IL1RAPL1: variants seen among roughly 807,000 people sequenced by gnomAD.
IL1RAPL1 encodes interleukin 1 receptor accessory protein like 1.
IL1RAPL1 carries 3 observed loss-of-function variants against 48.4 expected under a neutral mutation model. The ratio of observed to expected loss-of-function variants is 0.06; its 90% CI spans 0.03 to 0.16. IL1RAPL1 has a LOEUF of 0.16. Ranked by LOEUF, IL1RAPL1 falls within the 10% of genes least tolerant of loss-of-function variation. The probability of loss-of-function intolerance (pLI) is 1.00; values close to 1 mark genes in which losing one functional copy is unlikely to be tolerated. For synonymous variants in IL1RAPL1, 185 were observed against 187.7 expected (o/e 0.99, Z 0.12); for missense variants, 349 against 530.6 (o/e 0.66, Z 3.36).
intron 5 of IL1RAPL1, among the ~76,000 whole-genome samples, chrX:29,662,712 G>T (rs1368898876): frequency 8.9e-6 from 1 of 111,873 alleles, no homozygotes; most frequent in Non-Finnish European, 1.9e-5. Context: ...TCTTTTGATG[G>T]ATATATTATG....
chrX:29,489,806 A>G (rs1020673619), intron 5 of IL1RAPL1, among the ~76,000 whole-genome samples: 5 of 112,011 alleles, frequency 4.5e-5, no homozygotes, highest in East Asian at 2.8e-4. Context: ...GCTTAATACT[A>G]TGCAATACAA....
At chrX:29,355,659 A>G (rs1933291353) in intron 3 of IL1RAPL1, among the ~76,000 whole-genome samples, 1 of 112,139 alleles carries the variant, frequency 8.9e-6, no homozygotes, top group South Asian at 3.6e-4. Flanking sequence ...TTTATGTTAG[A>G]TTGATTTAGG....
chrX:29,945,138 C>T (rs1933193371), intron 9 of IL1RAPL1, among the ~76,000 whole-genome samples: 1 of 111,701 alleles, frequency 9.0e-6, no homozygotes, highest in Non-Finnish European at 1.9e-5. Flanking sequence ...CTCTTCTCCT[C>T]TCTGTGGCCC....
chrX:28,998,674 T>C (rs1244118838), intron 2 of IL1RAPL1, among the ~76,000 whole-genome samples: 1 of 112,084 alleles, frequency 8.9e-6, no homozygotes, highest in African/African-American at 3.2e-5. Context: ...GAGAGGAATA[T>C]TTATCTGAAC....
intron 2 of IL1RAPL1, among the ~76,000 whole-genome samples, chrX:28,905,201 T>C (rs1349942679): frequency 9.0e-6 from 1 of 111,425 alleles, no homozygotes; most frequent in Non-Finnish European, 1.9e-5. Context: ...ACTACTAATC[T>C]GTAATTTTAT....
chrX:29,705,921 A>T (rs988478324), intron 6 of IL1RAPL1, among the ~76,000 whole-genome samples: 1 of 112,518 alleles, frequency 8.9e-6, no homozygotes, highest in African/African-American at 3.2e-5. Flanking sequence ...CATGCTGCTG[A>T]CAAAGACGTA....
At chrX:28,964,708 T>G (rs1215734758) in intron 2 of IL1RAPL1, among the ~76,000 whole-genome samples, 1 of 111,828 alleles carries the variant, frequency 8.9e-6, no homozygotes, top group Non-Finnish European at 1.9e-5. Context: ...TTATTTTTCT[T>G]TCTGGATTTT....
chrX:29,173,129 C>A (rs758377502), intron 2 of IL1RAPL1, among the ~76,000 whole-genome samples: 1 of 111,100 alleles, frequency 9.0e-6, no homozygotes, highest in Non-Finnish European at 1.9e-5. Context: ...TGAGTCACTT[C>A]CTGAGAGATT....
intron 5 of IL1RAPL1, among the ~76,000 whole-genome samples, chrX:29,667,625 T>C (rs1213752010): frequency 8.9e-6 from 1 of 111,800 alleles, no homozygotes; most frequent in Non-Finnish European, 1.9e-5. Context: ...AGTCCAGATA[T>C]AGTCTAGTTT....
At chrX:29,119,540 G>T (rs1455013427) in intron 2 of IL1RAPL1, among the ~76,000 whole-genome samples, 1 of 111,758 alleles carries the variant, frequency 8.9e-6, no homozygotes, top group Non-Finnish European at 1.9e-5. Context: ...GCAAAAAGCT[G>T]CCCCCAAAAT....
At chrX:29,634,376 A>T (rs1450465017) in intron 5 of IL1RAPL1, among the ~76,000 whole-genome samples, 3 of 111,914 alleles carry the variant, frequency 2.7e-5, no homozygotes, top group Non-Finnish European at 5.6e-5. Flanking sequence ...TAAAAAAAAT[A>T]AAACAGAGAG....
chrX:29,719,667 T>C (rs1297904537), intron 6 of IL1RAPL1, among the ~76,000 whole-genome samples: 2 of 100,544 alleles, frequency 2.0e-5, no homozygotes, highest in Admixed American at 1.2e-4. Context: ...GAAAACATAA[T>C]AGGGTAAGGG....
chrX:29,391,519 C>G (rs1933852865), intron 3 of IL1RAPL1, among the ~76,000 whole-genome samples: 1 of 110,703 alleles, frequency 9.0e-6, no homozygotes, highest in Admixed American at 9.7e-5. Context: ...TCCCTTATAT[C>G]ACTTATCAGA....
chrX:29,916,999 G>T (rs1932804758), intron 6 of IL1RAPL1, among the ~76,000 whole-genome samples: 1 of 111,787 alleles, frequency 8.9e-6, no homozygotes, highest in Non-Finnish European at 1.9e-5. Context: ...TGCGTTTATG[G>T]TTCCTTTTTC....
intron 2 of IL1RAPL1, among the ~76,000 whole-genome samples, chrX:29,080,256 G>T (rs1429666730): frequency 9.1e-6 from 1 of 109,834 alleles, no homozygotes; most frequent in Non-Finnish European, 1.9e-5. Flanking sequence ...GTGCATGCCT[G>T]TGATCCCAAG....
At chrX:28,734,441 A>G (rs1569161059) in intron 1 of IL1RAPL1, among the ~76,000 whole-genome samples, 1 of 111,195 alleles carries the variant, frequency 9.0e-6, no homozygotes, top group Non-Finnish European at 1.9e-5. Flanking sequence ...CATGCTAGAC[A>G]TGTGCCTACC....
At chrX:29,938,911 AGTT>A (rs1933078596) in intron 8 of IL1RAPL1, among the ~76,000 whole-genome samples, 2 of 112,434 alleles carry the variant, frequency 1.8e-5, no homozygotes, top group African/African-American at 6.5e-5. Context: ...GCGTATCAGT[AGTT>A]TACTACTTTT....
chrX:28,852,320 G>T lies in IL1RAPL1; in HGVS notation c.82+62895G>T, dbSNP rs185992028. 4.4e-3 allele frequency among the ~76,000 whole-genome samples: 436 copies of T among 99,358 alleles called. 2 individuals are homozygous for T. Among genetic ancestry groups the T allele is most frequent in the Non-Finnish European group, 5.3e-3 (267 of 50,424 alleles). 86.3% of individuals were successfully genotyped at this position (99,358 alleles called of 115,157 possible). On this transcript the variant is annotated intron_variant, in intron 2 of 10. Coordinates refer to ENST00000378993, the MANE Select transcript of IL1RAPL1 (RefSeq NM_014271.4). ...ATAGCTTAAAATATTTTATTCCCAG[G>T]AGCAACCTAATCCATAACTTTTTTT...
intron 5 of IL1RAPL1, among the ~76,000 whole-genome samples, chrX:29,400,610 T>C (rs1372441230): frequency 3.6e-5 from 4 of 112,259 alleles, no homozygotes; most frequent in African/African-American, 1.3e-4. Flanking sequence ...CTGTTTTAAA[T>C]TAAACAGAGT....
Sources: gnomAD v4.1 joint callset for allele counts (sites outside exome capture counted in the v4.1 genomes callset) on GRCh38, gnomAD v4.1.1 for gene constraint, MANE v1.5 for transcripts, NCBI Gene and HGNC (gene_info 2026-07-23, HGNC 2026-07-21) for gene names.